Variants in RERG observed in about 807,000 individuals in gnomAD.
RERG encodes the protein RAS like estrogen regulated growth inhibitor.
In RERG, 25 loss-of-function variants were observed where a neutral mutation model predicts 23.2. That is an observed-to-expected ratio of 1.08 (90% CI 0.79 to 1.50). The LOEUF is 1.50. Among genes scored for constraint, RERG ranks in the 40% most tolerant of loss-of-function variants. RERG has a pLI of 0.00. For missense variants in RERG, 253 were observed against 250.1 expected, an observed-to-expected ratio of 1.01 and a Z score of -0.08; for synonymous variants, 81 against 89.1, an observed-to-expected ratio of 0.91 and a Z score of 0.51.
chr12:15,129,087 C>G (rs906407817), intron 2 of RERG, among the ~76,000 whole-genome samples: 2 of 152,158 alleles, frequency 1.3e-5, no homozygotes, highest in African/African-American at 4.8e-5. Flanking sequence ...TGAGTCCCGG[C>G]CTAGAAAGCC....
Position 15,217,565 on chromosome 12 carries a change from T to C in RERG, c.-76A>G. On this transcript the variant is annotated 5_prime_UTR_variant, in exon 2 of 5. Coordinates refer to ENST00000256953, the MANE Select transcript of RERG (RefSeq NM_032918.3). ...AATCTTTTTGGTTCCAGTCTTTGGA[T>C]TCACCATATCATTGTGAATCTTGGA... is the stretch of plus-strand genomic sequence containing the variant. The C allele has an allele frequency of 9.8e-7, 1 of 1,025,012 alleles. No individual in the cohort carries two copies. The highest frequency in any genetic ancestry group is 1.3e-5 in the South Asian group (1 of 78,422). The allele number at this position is 1,025,012 out of a possible 1,614,324, so 63.5% of individuals were successfully genotyped here. A position where few individuals can be genotyped will look rare whatever the true frequency, so the allele number is the denominator to read the frequency against.
At position 15,216,543 on chromosome 12, in the gene RERG, G is replaced by A. The variant is rs148403685; in HGVS notation, c.61+886C>T. ...GATTATACAGTTTATTTCCAAACAGGTTTCCCTCTACAAACATGCACCTAC... is the reference window on the plus strand; with the variant it reads ...GATTATACAGTTTATTTCCAAACAGATTTCCCTCTACAAACATGCACCTAC... On this transcript the variant is annotated intron_variant, in intron 2 of 4. Transcript: ENST00000256953. Among the ~76,000 whole-genome samples the A allele has an allele frequency of 5.5e-3, 839 of 152,238 alleles. 9 individuals carry two copies. The highest frequency in any genetic ancestry group is 0.019 in the African/African-American group (802 of 41,548).
At position 15,182,338 on chromosome 12, in the gene RERG, G is replaced by A. The variant is rs111946106; in HGVS notation, c.61+35091C>T. ...CTCCCAAAGTGTTGGGATTACTGGT[G>A]TTAGCCACCGTGCCCGGCCCTATAA... On this transcript the variant is annotated intron_variant, in intron 2 of 4. Coordinates refer to ENST00000256953, the MANE Select transcript of RERG (RefSeq NM_032918.3). Among the ~76,000 whole-genome samples, 868 of 152,156 alleles carry A rather than the reference G, an allele frequency of 5.7e-3. 3 individuals carry two copies. The highest frequency in any genetic ancestry group is 9.0e-3 in the Non-Finnish European group (614 of 67,996).
intron 2 of RERG, among the ~76,000 whole-genome samples, chr12:15,134,002 C>G (rs968433903): frequency 1.3e-5 from 2 of 151,746 alleles, no homozygotes; most frequent in African/African-American, 4.8e-5. Flanking sequence ...GATCACAGTC[C>G]TTTATCAATT....
Position 15,208,061 on chromosome 12 carries a change from A to G in RERG, c.61+9368T>C, listed in dbSNP as rs1865317083. On this transcript the variant is annotated intron_variant, in intron 2 of 4. Coordinates refer to ENST00000256953, the MANE Select transcript of RERG (RefSeq NM_032918.3). ...AGTAAAGGAGACTACCCCTGATAAT[A>G]TGGATGGGCCTCATCCAATTCTTGG... 2.0e-5 allele frequency among the ~76,000 whole-genome samples: 3 copies of G among 152,264 alleles called. No homozygotes were observed. In the South Asian group the frequency reaches 6.2e-4, roughly 32 times the overall value.
intron 2 of RERG, among the ~76,000 whole-genome samples, chr12:15,161,417 C>T (rs1864613574): frequency 6.6e-6 from 1 of 152,106 alleles, no homozygotes; most frequent in Non-Finnish European, 1.5e-5. Context: ...TAAGCTAGTT[C>T]CTGAAAGCCC....
intron 2 of RERG, among the ~76,000 whole-genome samples, chr12:15,197,847 A>C (rs1015296056): frequency 5.3e-5 from 8 of 152,110 alleles, no homozygotes; most frequent in African/African-American, 1.9e-4. Flanking sequence ...GCAGAGAAAA[A>C]GGACGGGCTG....
chr12:15,125,092 C>A (rs1167439489), intron 2 of RERG, among the ~76,000 whole-genome samples: 1 of 151,930 alleles, frequency 6.6e-6, no homozygotes. Context: ...CAAAAAAATA[C>A]ATAGTTACCT....
intron 3 of RERG, among the ~76,000 whole-genome samples, chr12:15,113,652 C>G (rs532577072): frequency 2.0e-5 from 3 of 151,596 alleles, no homozygotes; most frequent in African/African-American, 7.3e-5. Context: ...TAAAAATGAA[C>G]AAAACCATTC....
Position 15,109,413 on chromosome 12 carries a change from C to T in RERG, c.297G>A (p.Lys99=). Reference sequence around the variant, plus strand: ...GCTTTTTGATCTCATCTAGGATGTTCTTAAGTGGCAGCACTTCCTCAAAAC... The same window carrying T: ...GCTTTTTGATCTCATCTAGGATGTTTTTAAGTGGCAGCACTTCCTCAAAAC... The part of the protein sequence containing the change: ...RGSFEEVLPL[K]NILDEIKKPK... The change falls in exon 5 of 5, where the codon AAG becomes AAA. Residue 99 remains lysine, a synonymous_variant. Coordinates refer to ENST00000256953, the MANE Select transcript of RERG (RefSeq NM_032918.3). 6.2e-7 allele frequency: 1 copy of T among 1,614,012 alleles called. No individual in the cohort carries two copies. The highest frequency in any genetic ancestry group is 1.3e-5 in the African/African-American group (1 of 75,008).
At chr12:15,205,862 A>G (rs1345829655) in intron 2 of RERG, among the ~76,000 whole-genome samples, 2 of 152,102 alleles carry the variant, frequency 1.3e-5, no homozygotes, top group East Asian at 1.9e-4. Flanking sequence ...CTACCATTGC[A>G]TAAGTTTTAT....
At chr12:15,124,802 G>A (rs1408474107) in intron 2 of RERG, among the ~76,000 whole-genome samples, 1 of 151,886 alleles carries the variant, frequency 6.6e-6, no homozygotes, top group South Asian at 2.1e-4. Context: ...TTGGAAAAAT[G>A]TAACTAAAAG....
Position 15,115,723 on chromosome 12 carries a change from T to C in RERG, c.119-4306A>G, listed in dbSNP as rs138308233. Among the ~76,000 whole-genome samples, 504 of 152,320 alleles carry C rather than the reference T, an allele frequency of 3.3e-3. 2 individuals are homozygous for C. The highest frequency in any genetic ancestry group is 0.011 in the African/African-American group (465 of 41,574). ...GTAATTATTTTTTCTATCTACCTCA[T>C]GTTTCTGACTTTCATTTCATCAACT... On this transcript the variant is annotated intron_variant, in intron 3 of 4. Coordinates refer to ENST00000256953, the MANE Select transcript of RERG (RefSeq NM_032918.3).
At chr12:15,216,649 T>C (rs2136151090) in intron 2 of RERG, among the ~76,000 whole-genome samples, 1 of 152,340 alleles carries the variant, frequency 6.6e-6, no homozygotes, top group East Asian at 1.9e-4. Context: ...AGTAAGAGAC[T>C]AAGGCAAGAG....
intron 2 of RERG, among the ~76,000 whole-genome samples, chr12:15,156,460 T>C (rs772633436): frequency 2.6e-5 from 4 of 152,218 alleles, no homozygotes; most frequent in Non-Finnish European, 4.4e-5. Context: ...TCAGCTTTCA[T>C]GCAATTGTAT....
At position 15,207,202 on chromosome 12, in the gene RERG, G is replaced by A. The variant is rs547444568; in HGVS notation, c.61+10227C>T. On this transcript the variant is annotated intron_variant, in intron 2 of 4. Transcript: ENST00000256953. ...AAATTCTGTGATTCAAGTGCCACAA[G>A]GGTCCATTAGTTCCAAAACATTAGT... Among the ~76,000 whole-genome samples, 6 of 152,196 alleles carry A rather than the reference G, an allele frequency of 3.9e-5. No individual in the cohort carries two copies. In the South Asian group the frequency reaches 6.2e-4, roughly 16 times the overall value.
chr12:15,120,625 T>A (rs186764582), intron 3 of RERG, among the ~76,000 whole-genome samples: 37 of 152,338 alleles, frequency 2.4e-4, no homozygotes, highest in Admixed American at 2.4e-3. Flanking sequence ...TTTAGTCGGA[T>A]GTATTGGAGA....
chr12:15,175,782 AG>A (rs1864842389), intron 2 of RERG, among the ~76,000 whole-genome samples: 1 of 152,178 alleles, frequency 6.6e-6, no homozygotes, highest in African/African-American at 2.4e-5. Context: ...GCTGTGAGAT[AG>A]GTCAAACAGT....
intron 2 of RERG, among the ~76,000 whole-genome samples, chr12:15,153,112 C>T (rs945624396): frequency 2.6e-5 from 4 of 152,128 alleles, no homozygotes; most frequent in Non-Finnish European, 4.4e-5. Context: ...ACCACAATTT[C>T]CCTTAAGTAA....
Sources: allele counts gnomAD v4.1 joint callset (sites outside exome capture counted in the v4.1 genomes callset), GRCh38; gene constraint gnomAD v4.1.1; transcripts MANE v1.5; gene names NCBI Gene and HGNC (gene_info 2026-07-23, HGNC 2026-07-21).